The following TBC1D32 variants were observed in gnomAD, a reference collection of about 807,000 sequenced individuals.
TBC1D32 encodes the protein protein broad-minded.
TBC1D32 carries 151 observed loss-of-function variants against 170.3 expected under a neutral mutation model. The observed-to-expected ratio is 0.89, with a 90% confidence interval of 0.78 to 1.01. The LOEUF (loss-of-function observed/expected upper bound fraction) is 1.01, where lower values mean the gene tolerates loss of function less well. Among genes scored for constraint, TBC1D32 ranks in the 50% least tolerant of loss-of-function variants. TBC1D32 has a pLI of 0.00. For missense variants in TBC1D32, 1,464 were observed against 1,457.1 expected, an observed-to-expected ratio of 1.00 and a Z score of -0.08; for synonymous variants, 498 against 488.0, an observed-to-expected ratio of 1.02 and a Z score of -0.27.
At chr6:121,107,185 A>T (rs893937434) in intron 29 of TBC1D32, among the ~76,000 whole-genome samples, 1 of 151,972 alleles carries the variant, frequency 6.6e-6, no homozygotes, top group Non-Finnish European at 1.5e-5. Context: ...AAAACAAATT[A>T]AACTCATAGC....
At chr6:121,115,314 G>T in intron 26 of TBC1D32, 73 bp from the exon 27 acceptor site, 1 of 1,074,620 alleles carries the variant, frequency 9.3e-7, no homozygotes, top group Non-Finnish European at 1.3e-6. Flanking sequence ...ATTGAAAATT[G>T]ATGAAAGCAA....
intron 30 of TBC1D32, among the ~76,000 whole-genome samples, chr6:121,094,148 T>G (rs1041682852): frequency 6.6e-6 from 1 of 151,746 alleles, no homozygotes; most frequent in Non-Finnish European, 1.5e-5. Flanking sequence ...GAGTCATAAA[T>G]TTTAATCTCT....
At chr6:121,160,441 T>C (rs1397822178) in intron 23 of TBC1D32, among the ~76,000 whole-genome samples, 1 of 148,914 alleles carries the variant, frequency 6.7e-6, no homozygotes, top group Non-Finnish European at 1.5e-5. Flanking sequence ...TCCACAAAAC[T>C]TTTTCTCGTG....
At chr6:121,146,760 G>T (rs554893029) in intron 24 of TBC1D32, among the ~76,000 whole-genome samples, 2 of 152,174 alleles carry the variant, frequency 1.3e-5, no homozygotes, top group South Asian at 4.2e-4. Flanking sequence ...CTGATTCCTA[G>T]GAACTAATAA....
At chr6:121,213,000 T>A (rs1468440809) in intron 21 of TBC1D32, among the ~76,000 whole-genome samples, 2 of 152,210 alleles carry the variant, frequency 1.3e-5, no homozygotes, top group East Asian at 3.9e-4. Context: ...AACTTCAACA[T>A]CCTTCGTGTT....
chr6:121,125,071 T>C (rs1184337492), intron 26 of TBC1D32, among the ~76,000 whole-genome samples: 2 of 152,226 alleles, frequency 1.3e-5, no homozygotes, highest in African/African-American at 4.8e-5. Context: ...TTTCCATGAA[T>C]GTTCTTAATA....
chr6:121,317,793 G>T, intron 2 of TBC1D32, 121 bp from the exon 3 acceptor site: 1 of 630,736 alleles, frequency 1.6e-6, no homozygotes, highest in Non-Finnish European at 2.5e-6. Flanking sequence ...ACAATGCTAA[G>T]GAGAAAAATC....
chr6:121,313,293 T>TTTTG (rs1491141227), intron 3 of TBC1D32, among the ~76,000 whole-genome samples: 9 of 135,836 alleles, frequency 6.6e-5, no homozygotes, highest in African/African-American at 2.6e-4. Context: ...TTTTTTTTTT[T>TTTTG]GAGACGGCAT....
intron 12 of TBC1D32, among the ~76,000 whole-genome samples, chr6:121,285,356 G>A (rs1461228275): frequency 6.6e-6 from 1 of 152,148 alleles, no homozygotes; most frequent in Non-Finnish European, 1.5e-5. Flanking sequence ...GAGTCATACA[G>A]AATACATTTA....
In TBC1D32 at chr6:121,242,357, A is replaced by T; in HGVS notation, c.2019-18T>A. The T allele has an allele frequency of 1.2e-6, 2 of 1,608,896 alleles. No individual in the cohort carries two copies. The highest frequency in any genetic ancestry group is 1.7e-6 in the Non-Finnish European group (2 of 1,178,224). On this transcript the variant is annotated intron_variant, in intron 17 of 31. Coordinates refer to ENST00000398212, the MANE Select transcript of TBC1D32 (RefSeq NM_152730.6). ...AAGCCATACTGAAATAGGTAAAAGA[A>T]AGGTAGAGCTTTCTTTAAGATACTA...
chr6:121,288,072 C>G (rs1804174999), intron 12 of TBC1D32, among the ~76,000 whole-genome samples: 1 of 152,182 alleles, frequency 6.6e-6, no homozygotes, highest in South Asian at 2.1e-4. Context: ...AATTGACACC[C>G]TAACATCACA....
intron 22 of TBC1D32, among the ~76,000 whole-genome samples, chr6:121,174,927 G>A (rs1787550386): frequency 6.6e-6 from 1 of 151,500 alleles, no homozygotes; most frequent in Non-Finnish European, 1.5e-5. Flanking sequence ...AGCTACCGGA[G>A]AGGCTGAGGT....
chr6:121,180,111 T>C (rs112103199), intron 22 of TBC1D32, among the ~76,000 whole-genome samples: 4 of 152,256 alleles, frequency 2.6e-5, no homozygotes, highest in African/African-American at 9.6e-5. Context: ...TAAACAGAGA[T>C]ATATGTCATG....
chr6:121,143,434 C>T (rs1166076480), intron 24 of TBC1D32, among the ~76,000 whole-genome samples: 1 of 152,032 alleles, frequency 6.6e-6, no homozygotes, highest in Non-Finnish European at 1.5e-5. Context: ...ACACTGATGC[C>T]AATGAGCTAA....
intron 15 of TBC1D32, among the ~76,000 whole-genome samples, chr6:121,274,651 C>A (rs1457216367): frequency 1.3e-5 from 2 of 151,844 alleles, no homozygotes; most frequent in Non-Finnish European, 2.9e-5. Context: ...AGAACTTCAT[C>A]AAGAAACATC....
intron 22 of TBC1D32, among the ~76,000 whole-genome samples, chr6:121,179,313 T>TGTGC (rs1562790251): frequency 6.6e-6 from 1 of 150,680 alleles, no homozygotes; most frequent in African/African-American, 2.4e-5. Flanking sequence ...TGTGTGTGTG[T>TGTGC]GCATGTGTGT....
chr6:121,080,019 T>C lies in TBC1D32; in HGVS notation c.*752A>G, dbSNP rs955198775. 2.0e-5 allele frequency: 3 copies of C among 152,200 alleles called. No homozygotes were observed. Among genetic ancestry groups the C allele is most frequent in the African/African-American group, 7.2e-5 (3 of 41,462 alleles). The allele number at this position is 152,200 out of a possible 1,614,324, so 9.4% of individuals were successfully genotyped here. ...TAAATAGTATCATTGTTCTTCCACA[T>C]GTAAAAGAAGCAGCTGTAGTTTTAT... is the stretch of plus-strand genomic sequence containing the variant. On this transcript the variant is annotated 3_prime_UTR_variant, in exon 32 of 32. Coordinates refer to ENST00000398212, the MANE Select transcript of TBC1D32 (RefSeq NM_152730.6).
chr6:121,233,026 C>T (rs1415086615), intron 20 of TBC1D32, among the ~76,000 whole-genome samples: 1 of 151,928 alleles, frequency 6.6e-6, no homozygotes, highest in Non-Finnish European at 1.5e-5. Context: ...TTGAGGGTTC[C>T]TTTTGAAGTT....
intron 24 of TBC1D32, among the ~76,000 whole-genome samples, chr6:121,148,290 C>T (rs1233421476): frequency 6.6e-6 from 1 of 152,106 alleles, no homozygotes; most frequent in African/African-American, 2.4e-5. Flanking sequence ...CCAGCTTCAT[C>T]CCTGTCCCTG....
Sources: gnomAD v4.1 joint callset for allele counts (sites outside exome capture counted in the v4.1 genomes callset) on GRCh38, gnomAD v4.1.1 for gene constraint, MANE v1.5 for transcripts, NCBI Gene and HGNC (gene_info 2026-07-23, HGNC 2026-07-21) for gene names.